The following CSMD1 variants were observed in gnomAD, a reference collection of about 807,000 sequenced individuals.
CSMD1 encodes CUB and sushi domain-containing protein 1.
CSMD1 carries 213 observed loss-of-function variants against 417.5 expected under a neutral mutation model. The observed-to-expected ratio is 0.51, with a 90% CI of 0.46 to 0.57. The LOEUF is 0.57. CSMD1 is among the 20% of genes least tolerant of loss of function. The pLI is 0.00. For missense variants in CSMD1, 6,923 were observed against 4,529.7 expected, an observed-to-expected ratio of 1.53 and a Z score of -15.17; for synonymous variants, 2,862 against 1,736.8, an observed-to-expected ratio of 1.65 and a Z score of -16.11.
In CSMD1 at chr8:4,994,336, C is replaced by A; in HGVS notation, c.81G>T (p.Ala27=). 1.2e-6 allele frequency: 2 copies of A among 1,610,332 alleles called. No individual in the cohort carries two copies. The highest frequency in any genetic ancestry group is 1.1e-5 in the South Asian group (1 of 91,070). The change falls in exon 1 of 70, where the codon GCG becomes GCT. Residue 27 remains alanine (A), a synonymous_variant. Transcript: ENST00000635120. ...LVLCARLLTA[A]KGQNCGGLVQ... Reference sequence around the variant, plus strand: ...CCAGGAGCAAGTCCGTCTTACCCTTCGCTGCAGTGAGGAGCCTCGCGCACA... The same window carrying A: ...CCAGGAGCAAGTCCGTCTTACCCTTAGCTGCAGTGAGGAGCCTCGCGCACA...
intron 9 of CSMD1, among the ~76,000 whole-genome samples, chr8:3,579,300 G>C (rs1472800076): frequency 6.6e-6 from 1 of 151,926 alleles, no homozygotes; most frequent in East Asian, 1.9e-4. Context: ...TATTTGTTAA[G>C]TATAAAATAG....
chr8:4,296,614 AGTTTGTT>A, intron 3 of CSMD1, among the ~76,000 whole-genome samples: 1 of 12,880 alleles, frequency 7.8e-5, no homozygotes, highest in East Asian at 0.12. Context: ...ATTTTATAAT[AGTTTGTT>A]ATTTAGTTAA....
chr8:3,980,745 C>A (rs1229372302), intron 5 of CSMD1, among the ~76,000 whole-genome samples: 2 of 152,170 alleles, frequency 1.3e-5, no homozygotes, highest in Non-Finnish European at 2.9e-5. Context: ...CTTCTGAATT[C>A]CTGAATTTTC....
intron 3 of CSMD1, among the ~76,000 whole-genome samples, chr8:4,206,887 C>T (rs1800012128): frequency 1.3e-5 from 2 of 152,078 alleles, no homozygotes; most frequent in South Asian, 4.1e-4. Context: ...TTCCATAGTT[C>T]AGAAACTAAA....
At chr8:4,030,031 C>A (rs531105791) in intron 4 of CSMD1, among the ~76,000 whole-genome samples, 12 of 152,304 alleles carry the variant, frequency 7.9e-5, no homozygotes, top group African/African-American at 2.9e-4. Context: ...TGAGCTCCAA[C>A]AGTCTTGGGC....
intron 2 of CSMD1, among the ~76,000 whole-genome samples, chr8:4,452,827 G>C (rs1359704571): frequency 6.6e-6 from 1 of 151,980 alleles, no homozygotes; most frequent in African/African-American, 2.4e-5. Flanking sequence ...TCAATATCAG[G>C]TGAAAAAAAC....
At chr8:4,974,255 A>G (rs912149605) in intron 1 of CSMD1, among the ~76,000 whole-genome samples, 7 of 151,234 alleles carry the variant, frequency 4.6e-5, no homozygotes, top group African/African-American at 1.7e-4. Flanking sequence ...TGAACTCCTG[A>G]CCTCATGTGA....
At chr8:4,143,245 C>A (rs1199089970) in intron 3 of CSMD1, among the ~76,000 whole-genome samples, 1 of 151,120 alleles carries the variant, frequency 6.6e-6, no homozygotes, top group Non-Finnish European at 1.5e-5. Context: ...ATAGGGTTAG[C>A]ACTATCTTTT....
chr8:3,571,156 CTA>C (rs1799926795), intron 10 of CSMD1, among the ~76,000 whole-genome samples: 1 of 152,144 alleles, frequency 6.6e-6, no homozygotes, highest in East Asian at 1.9e-4. Flanking sequence ...CTCCAACTGA[CTA>C]TGAGAGAAAA....
chr8:4,091,267 A>T (rs949990687), intron 3 of CSMD1, among the ~76,000 whole-genome samples: 1 of 152,140 alleles, frequency 6.6e-6, no homozygotes, highest in South Asian at 2.1e-4. Context: ...AGAAAAAAAT[A>T]ATAATCTAAT....
rs192804277 is a variant in CSMD1, at chr8:3,256,050, G to A, written c.4154-25819C>T. On this transcript the variant is annotated intron_variant, in intron 26 of 69. Coordinates refer to ENST00000635120, the MANE Select transcript of CSMD1 (RefSeq NM_033225.6). ...TTTTATAGAAGACAATGACTGAGCC[G>A]GGTGAGGTGGCTCACACCTGTAATC... Among the ~76,000 whole-genome samples, 9 of 152,226 alleles carry A rather than the reference G, an allele frequency of 5.9e-5. No homozygotes were observed. The East Asian group carries it at 1.2e-3, about 20-fold the overall frequency.
chr8:3,385,292 T>C (rs745564204), intron 18 of CSMD1, among the ~76,000 whole-genome samples: 4 of 150,172 alleles, frequency 2.7e-5, no homozygotes, highest in Non-Finnish European at 5.9e-5. Flanking sequence ...TGTATGTATA[T>C]AGGCCTTTAC....
chr8:4,172,013 G>C (rs1040733384), intron 3 of CSMD1, among the ~76,000 whole-genome samples: 3 of 152,002 alleles, frequency 2.0e-5, no homozygotes, highest in African/African-American at 7.3e-5. Context: ...CACCAAAGCA[G>C]CACATAATAT....
Position 4,797,303 on chromosome 8 carries a change from C to T in CSMD1, c.86-159745G>A, listed in dbSNP as rs554097432. On this transcript the variant is annotated intron_variant, in intron 1 of 69. Transcript: ENST00000635120. ...ACTATGTTTTAAAACAATGATGCTG[C>T]TCTTGCTTTTGTGGCAGCTGAGAGT... Among the ~76,000 whole-genome samples, 3 of 152,280 alleles carry T rather than the reference C, an allele frequency of 2.0e-5. No homozygotes were observed. The East Asian group carries it at 5.8e-4, about 29-fold the overall frequency.
intron 4 of CSMD1, among the ~76,000 whole-genome samples, chr8:4,022,273 C>A (rs957832723): frequency 1.3e-5 from 2 of 150,880 alleles, no homozygotes; most frequent in African/African-American, 4.9e-5. Context: ...TTGCTTATCT[C>A]TTATGTATTT....
intron 4 of CSMD1, among the ~76,000 whole-genome samples, chr8:4,010,792 C>T (rs974034804): frequency 6.6e-6 from 1 of 152,174 alleles, no homozygotes; most frequent in Admixed American, 6.5e-5. Context: ...CATAACTCTG[C>T]CATCATCACA....
intron 2 of CSMD1, among the ~76,000 whole-genome samples, chr8:4,606,711 C>G (rs1275957355): frequency 6.6e-6 from 1 of 152,176 alleles, no homozygotes; most frequent in Admixed American, 6.5e-5. Context: ...TTGATCTATC[C>G]TCCAGTTTGA....
At chr8:3,151,371 T>C (rs1819183134) in intron 40 of CSMD1, 26 bp downstream of exon 40, 7 of 1,454,454 alleles carry the variant, frequency 4.8e-6, no homozygotes, top group Non-Finnish European at 6.7e-6. Flanking sequence ...AATGAACTTT[T>C]AGGAATTGGT....
chr8:4,665,236 T>C lies in CSMD1; in HGVS notation c.86-27678A>G, dbSNP rs192022211. The stretch of plus-strand genomic sequence containing the variant: ...GCTCTGTTCTCCCACGACCTTCCTC[T>C]CCTTCACTTTCTCTGAAACTTCAAA... On this transcript the variant is annotated intron_variant, in intron 1 of 69. Transcript: ENST00000635120. Among the ~76,000 whole-genome samples the C allele has an allele frequency of 2.4e-3, 358 of 152,308 alleles. 1 individual carries two copies. Among genetic ancestry groups the C allele is most frequent in the Non-Finnish European group, 4.0e-3 (273 of 68,034 alleles).
Sources: allele counts gnomAD v4.1 joint callset (sites outside exome capture counted in the v4.1 genomes callset), GRCh38; gene constraint gnomAD v4.1.1; transcripts MANE v1.5; gene names NCBI Gene and HGNC (gene_info 2026-07-23, HGNC 2026-07-21).